The following HYPK variants were observed in gnomAD, a reference collection of about 807,000 sequenced individuals.
HYPK encodes the protein huntingtin-interacting protein K.
A neutral mutation model predicts 13.9 loss-of-function variants in HYPK; 9 were observed. The observed-to-expected ratio is 0.65, with a 90% CI of 0.39 to 1.13. The LOEUF (loss-of-function observed/expected upper bound fraction) is 1.13. Ranked by LOEUF, HYPK falls within the 50% of genes most tolerant of loss-of-function variation. HYPK has a pLI of 0.01. For synonymous variants in HYPK, 76 were observed against 57.0 expected (o/e 1.33, Z -1.50); for missense variants, 138 against 157.6 (o/e 0.88, Z 0.67).
rs1267661191 is a variant in HYPK, at chr15:43,803,324, T to C, written c.*1518T>C. ...GATGGATTTGCTTGAGCCTGGGAGG[T>C]TGAGGCTGCAGTGAGCTGAGATTGT... On this transcript the variant is annotated 3_prime_UTR_variant, in exon 4 of 4. Coordinates refer to ENST00000442995, the MANE Select transcript of HYPK (RefSeq NM_016400.4). 6.6e-6 allele frequency among the ~76,000 whole-genome samples: 1 copy of C among 151,188 alleles called. No individual in the cohort carries two copies. The highest frequency in any genetic ancestry group is 1.5e-5 in the Non-Finnish European group (1 of 67,780).
In HYPK at chr15:43,801,591, G is replaced by C. The variant is rs751315953; in HGVS notation, c.270+22G>C. 5 of 1,611,582 alleles carry C rather than the reference G, an allele frequency of 3.1e-6. No individual in the cohort carries two copies. In the South Asian group the frequency reaches 4.4e-5, roughly 14 times the overall value. On this transcript the variant is annotated intron_variant, in intron 3 of 3. Transcript: ENST00000442995. ...AATAGTGAGTGGTAGTGCCTAACTA[G>C]TGTATGCGGAGGGGAGGCTATTCTG...
chr15:43,801,793 C>T lies in HYPK; in HGVS notation c.353C>T (p.Ala118Val). Reference protein sequence around the residue: ...HMGNVVEALIALTN With the variant: ...HMGNVVEALIVLTN ...GGCAACGTGGTAGAGGCGCTTATTG[C>T]CCTAACCAACTGATGCGTGCTTTCT... Residue 118 changes from alanine (A) to valine (V), a missense_variant, in exon 4 of 4, where the codon GCC (alanine) becomes GTC (valine). By Grantham distance (64) the Ala-to-Val change is moderately conservative. Coordinates refer to ENST00000442995, the MANE Select transcript of HYPK (RefSeq NM_016400.4). 2 of 1,614,026 alleles carry T rather than the reference C, an allele frequency of 1.2e-6. No individual in the cohort carries two copies. Among genetic ancestry groups the T allele is most frequent in the South Asian group, 1.1e-5 (1 of 91,074 alleles).
chr15:43,801,934 T>G lies in HYPK; in HGVS notation c.*128T>G. On this transcript the variant is annotated 3_prime_UTR_variant, in exon 4 of 4. Coordinates refer to ENST00000442995, the MANE Select transcript of HYPK (RefSeq NM_016400.4). ...TATCCTATGTTGTGGAGAATTTATA[T>G]GTTGGAGACTAACTGAATTTAAGTG... The G allele has an allele frequency of 1.4e-6, 1 of 716,592 alleles. No individual in the cohort carries two copies. The allele number at this position is 716,592 out of a possible 1,614,324, so 44.4% of individuals were successfully genotyped here. A position where few individuals can be genotyped will look rare whatever the true frequency, so the allele number is the denominator to read the frequency against.
rs942392818 is a variant in HYPK at position 43,801,736 on chromosome 15, C to G, written c.296C>G (p.Ala99Gly). 4.3e-6 allele frequency: 7 copies of G among 1,614,194 alleles called. 1 individual carries two copies. Among genetic ancestry groups the G allele is most frequent in the Admixed American group, 1.7e-5 (1 of 60,022 alleles). Residue 99 changes from alanine (A) to glycine (G), a missense_variant, in exon 4 of 4, where the codon GCA becomes GGA. Physicochemically the swap from Ala to Gly is moderately conservative, Grantham distance 60. This residue lies in a region of HYPK where 91 missense variants were observed against 96.8 expected (regional missense o/e 0.94). Coordinates refer to ENST00000442995, the MANE Select transcript of HYPK (RefSeq NM_016400.4). ...LIMTEMEISR[A>G]AAERSLREHM... is the part of the protein sequence containing the mutation. Reference sequence around the variant, plus strand: ...ATGACTGAGATGGAGATATCTCGAGCAGCAGCAGAACGCAGTTTGCGGGAA... The same window carrying G: ...ATGACTGAGATGGAGATATCTCGAGGAGCAGCAGAACGCAGTTTGCGGGAA...
intron 1 of HYPK, among the ~76,000 whole-genome samples, 154 bp from the exon 2 acceptor site, chr15:43,800,978 A>G (rs1488631799): frequency 6.6e-6 from 1 of 152,120 alleles, no homozygotes; most frequent in East Asian, 1.9e-4. Flanking sequence ...GCTTAAGGGG[A>G]CCTCAGGTGC....
rs2087329741 is a variant in HYPK, at chr15:43,802,564, C to A, written c.*758C>A. On this transcript the variant is annotated 3_prime_UTR_variant, in exon 4 of 4. Coordinates refer to ENST00000442995, the MANE Select transcript of HYPK (RefSeq NM_016400.4). ...CAGCCTGGGGGAAAGAGTGAAACTC[C>A]ATCTCAAAAAAAAAAAAAAAAAAAA... The A allele has an allele frequency of 3.3e-5, 2 of 59,992 alleles. No homozygotes were observed. The highest frequency in any genetic ancestry group is 1.0e-4 in the African/African-American group (1 of 9,944). 3.7% of individuals were successfully genotyped at this position (59,992 alleles called of 1,614,324 possible). A position where few individuals can be genotyped will look rare whatever the true frequency, so the allele number is the denominator to read the frequency against.
In HYPK at chr15:43,801,853, A is replaced by C. The variant is rs1294147796; in HGVS notation, c.*47A>C. The C allele has an allele frequency of 1.9e-6, 3 of 1,572,064 alleles. No homozygotes were observed. The highest frequency in any genetic ancestry group is 2.6e-6 in the Non-Finnish European group (3 of 1,144,590). ...CTACTGGATTAATTTATGGCAATAA[A>C]ATTTTTTTTTGTCTTTTTCAGTTTT... On this transcript the variant is annotated 3_prime_UTR_variant, in exon 4 of 4. Transcript: ENST00000442995.
At chr15:43,800,463 G>C (rs755363159), upstream of HYPK, 2 of 974,368 alleles carry the variant, frequency 2.1e-6, no homozygotes, top group African/African-American at 1.6e-5. Flanking sequence ...CCGAAAGGAA[G>C]TCTGAGAGAC....
intron 1 of HYPK, 89 bp downstream of exon 1, chr15:43,800,873 T>C: frequency 1.5e-5 from 20 of 1,296,270 alleles, no homozygotes; most frequent in South Asian, 7.2e-5. Flanking sequence ...CAAGACGGGG[T>C]TCTGATCCCG....
chr15:43,801,459 C>T, intron 2 of HYPK, 59 bp from the exon 3 acceptor site: 3 of 1,432,648 alleles, frequency 2.1e-6, no homozygotes, highest in Admixed American at 1.7e-5. Flanking sequence ...AATGACCCTT[C>T]CTGGGAGTTT....
rs778407492 is a variant in HYPK, at chr15:43,801,792, G to A, written c.352G>A (p.Ala118Thr). 1.7e-5 allele frequency: 28 copies of A among 1,613,938 alleles called. No individual in the cohort carries two copies. Among genetic ancestry groups the A allele is most frequent in the Admixed American group, 3.3e-5 (2 of 60,008 alleles). ...GGGCAACGTGGTAGAGGCGCTTATT[G>A]CCCTAACCAACTGATGCGTGCTTTC... ...HMGNVVEALI[A>T]LTN Residue 118 changes from alanine to threonine, a missense_variant, in exon 4 of 4, where the codon GCC becomes ACC. Ala to Thr is a moderately conservative substitution (Grantham distance 58). Transcript: ENST00000442995.
Position 43,801,904 on chromosome 15 carries a change from T to A in HYPK, c.*98T>A. The stretch of plus-strand genomic sequence containing the variant: ...ATCATCTTGGGTCAAGTAGAGTGTA[T>A]ACTATATCCTATGTTGTGGAGAATT... On this transcript the variant is annotated 3_prime_UTR_variant, in exon 4 of 4. Coordinates refer to ENST00000442995, the MANE Select transcript of HYPK (RefSeq NM_016400.4). 1 of 890,398 alleles carries A rather than the reference T, an allele frequency of 1.1e-6. No individual in the cohort carries two copies. Among genetic ancestry groups the A allele is most frequent in the Non-Finnish European group, 1.8e-6 (1 of 552,772 alleles). 55.2% of individuals were successfully genotyped at this position (890,398 alleles called of 1,614,324 possible).
In HYPK at chr15:43,801,987, G is replaced by T; in HGVS notation, c.*181G>T. On this transcript the variant is annotated 3_prime_UTR_variant, in exon 4 of 4. Transcript: ENST00000442995. ...CCATTAAAATCTAGCACACCTGTAT[G>T]AAAAATCAGTGTAGAAGAATACCTC... The T allele has an allele frequency of 1.7e-6, 1 of 605,974 alleles. No individual in the cohort carries two copies. The allele number at this position is 605,974 out of a possible 1,614,324, so 37.5% of individuals were successfully genotyped here.
Position 43,803,651 on chromosome 15 carries a change from G to A in HYPK, c.*1845G>A, listed in dbSNP as rs942137370. Among the ~76,000 whole-genome samples, 2 of 151,954 alleles carry A rather than the reference G, an allele frequency of 1.3e-5. No homozygotes were observed. Among genetic ancestry groups the A allele is most frequent in the Non-Finnish European group, 2.9e-5 (2 of 67,996 alleles). On this transcript the variant is annotated 3_prime_UTR_variant, in exon 4 of 4. Transcript: ENST00000442995. ...CTAAAAGTACAAAAAAAAATTAGCT[G>A]GGTGTGGTGGTGGACGCCTGTAATT...
chr15:43,800,471 G>T (rs1182292047), upstream of HYPK: 2 of 1,077,138 alleles, frequency 1.9e-6, no homozygotes, highest in South Asian at 1.4e-5. Context: ...AAGTCTGAGA[G>T]ACGAACCGCC....
In HYPK at chr15:43,804,104, C is replaced by A. The variant is rs1026130947; in HGVS notation, c.*2298C>A. Among the ~76,000 whole-genome samples the A allele has an allele frequency of 1.3e-4, 19 of 148,046 alleles. No homozygotes were observed. The highest frequency in any genetic ancestry group is 2.0e-4 in the Admixed American group (3 of 14,862). On this transcript the variant is annotated 3_prime_UTR_variant, in exon 4 of 4. Coordinates refer to ENST00000442995, the MANE Select transcript of HYPK (RefSeq NM_016400.4). ...CGTCTCTTTAAAACAAACAAACAAA[C>A]AAAAAAAAAACCCTGCAACGGCCCC...
chr15:43,801,068 T>C, intron 1 of HYPK, 64 bp from the exon 2 acceptor site: 1 of 1,413,066 alleles, frequency 7.1e-7, no homozygotes, highest in Non-Finnish European at 1.0e-6. Flanking sequence ...CTTGTTTTGT[T>C]GGCCTTTTAG....
rs1210479690 is a variant in HYPK at position 43,803,899 on chromosome 15, A to C, written c.*2093A>C. ...CTAGGCACAGTGGCTCAACGCCTGT[A>C]ATCTCAGCACTTTGGGAGGCTGAGG... On this transcript the variant is annotated 3_prime_UTR_variant, in exon 4 of 4. Transcript: ENST00000442995. Among the ~76,000 whole-genome samples, 1 of 152,110 alleles carries C rather than the reference A, an allele frequency of 6.6e-6. No individual in the cohort carries two copies. Among genetic ancestry groups the C allele is most frequent in the Non-Finnish European group, 1.5e-5 (1 of 68,018 alleles).
intron 2 of HYPK, 161 bp downstream of exon 2, chr15:43,801,348 G>T: frequency 1.2e-6 from 1 of 828,020 alleles, no homozygotes. Context: ...AAGGCCTCCT[G>T]GCAACACCTG....
Sources: allele counts gnomAD v4.1 joint callset (sites outside exome capture counted in the v4.1 genomes callset), GRCh38; gene constraint gnomAD v4.1.1; regional missense constraint gnomAD v4.1.1; transcripts MANE v1.5; gene names NCBI Gene and HGNC (gene_info 2026-07-23, HGNC 2026-07-21).